The following UBAP1 variants were observed in gnomAD, a reference collection of about 807,000 sequenced individuals.
UBAP1 encodes ubiquitin associated protein 1, also known as ubiquitin-associated protein 1.
UBAP1 carries 5 observed loss-of-function variants against 39.0 expected under a neutral mutation model. The ratio of observed to expected loss-of-function variants is 0.13; its 90% CI spans 0.07 to 0.27. The LOEUF (loss-of-function observed/expected upper bound fraction) is 0.27, where lower values mean the gene tolerates loss of function less well. Ranked by LOEUF, UBAP1 falls within the 10% of genes least tolerant of loss-of-function variation. UBAP1 has a pLI of 1.00. For missense variants in UBAP1, 490 were observed against 608.1 expected (o/e 0.81, Z 2.04); for synonymous variants, 211 against 225.1 (o/e 0.94, Z 0.56).
At chr9:34,217,898 A>G (rs1001121419) in intron 1 of UBAP1, among the ~76,000 whole-genome samples, 3 of 141,642 alleles carry the variant, frequency 2.1e-5, no homozygotes, top group African/African-American at 7.9e-5. Flanking sequence ...CCCAGCCTCA[A>G]GTGATTCTCA....
intron 6 of UBAP1, 144 bp downstream of exon 6, chr9:34,250,903 G>A: frequency 1.4e-6 from 1 of 728,684 alleles, no homozygotes; most frequent in Non-Finnish European, 2.4e-6. Flanking sequence ...AATCTCCCAA[G>A]TATTCAGACA....
chr9:34,250,101 G>A, intron 5 of UBAP1, 140 bp downstream of exon 5: 5 of 867,982 alleles, frequency 5.8e-6, no homozygotes, highest in South Asian at 1.8e-5. Flanking sequence ...ATGTTTTGGG[G>A]AAAGCCAGCA....
chr9:34,251,051 T>G (rs1834485422), intron 6 of UBAP1, among the ~76,000 whole-genome samples: 1 of 152,232 alleles, frequency 6.6e-6, no homozygotes, highest in Admixed American at 6.5e-5. Flanking sequence ...CTGGACTTTT[T>G]GCCTAGACTG....
chr9:34,221,256 G>A lies in UBAP1; in HGVS notation c.34+308G>A, dbSNP rs1346018615. On this transcript the variant is annotated intron_variant, in intron 2 of 6. Transcript: ENST00000297661. ...TTGAAGGTATAGTTACTGGCTGGGC[G>A]CGGTGGTTCAAGCCTGTAATCCCAA... Among the ~76,000 whole-genome samples, 8 of 152,088 alleles carry A rather than the reference G, an allele frequency of 5.3e-5. 1 individual carries two copies. Among genetic ancestry groups the A allele is most frequent in the Non-Finnish European group, 1.0e-4 (7 of 67,996 alleles).
At position 34,224,322 on chromosome 9, in the gene UBAP1, G is replaced by A. The variant is rs1832931392; in HGVS notation, c.34+3374G>A. ...TCGATGAGTATGGTGTGCTGTCAAT[G>A]AGCATGAAGCAATTCTTCACCAGGG... On this transcript the variant is annotated intron_variant, in intron 2 of 6. Transcript: ENST00000297661. 4 of 447,462 alleles carry A rather than the reference G, an allele frequency of 8.9e-6. No homozygotes were observed. The East Asian group carries it at 1.5e-4, about 16-fold the overall frequency. 27.7% of individuals were successfully genotyped at this position (447,462 alleles called of 1,614,324 possible). A position where few individuals can be genotyped will look rare whatever the true frequency, so the allele number is the denominator to read the frequency against.
intron 1 of UBAP1, among the ~76,000 whole-genome samples, chr9:34,200,754 T>C (rs1831322606): frequency 6.6e-6 from 1 of 152,192 alleles, no homozygotes; most frequent in Admixed American, 6.6e-5. Flanking sequence ...TATCCTATCC[T>C]TTTACTACTC....
At chr9:34,248,360 T>C (rs1834285852) in intron 4 of UBAP1, among the ~76,000 whole-genome samples, 1 of 152,180 alleles carries the variant, frequency 6.6e-6, no homozygotes, top group African/African-American at 2.4e-5. Flanking sequence ...ACATTTGTAA[T>C]GTGCAGTATT....
chr9:34,179,020 T>C (rs1053341829), upstream of UBAP1: 70 of 1,256,596 alleles, frequency 5.6e-5, no homozygotes, highest in Middle Eastern at 2.1e-4. Flanking sequence ...CCCAAATGAG[T>C]GGGGCGGTGA....
chr9:34,215,463 G>A (rs1405189721), intron 1 of UBAP1, among the ~76,000 whole-genome samples: 1 of 151,104 alleles, frequency 6.6e-6, no homozygotes, highest in Non-Finnish European at 1.5e-5. Flanking sequence ...TGTTCTCACT[G>A]ATAGGTGAAA....
At position 34,182,246 on chromosome 9, in the gene UBAP1, G is replaced by A. The variant is rs1366833936; in HGVS notation, c.-8+3006G>A. Among the ~76,000 whole-genome samples the A allele has an allele frequency of 2.0e-5, 3 of 149,004 alleles. 1 individual carries two copies. Among genetic ancestry groups the A allele is most frequent in the Admixed American group, 6.8e-5 (1 of 14,788 alleles). Reference sequence around the variant, plus strand: ...GTTGCCCAGGCTGGAGTGCTGTGGCGTGATCTCAGCTCACTGCAACCTCCA... The same window carrying A: ...GTTGCCCAGGCTGGAGTGCTGTGGCATGATCTCAGCTCACTGCAACCTCCA... On this transcript the variant is annotated intron_variant, in intron 1 of 6. Transcript: ENST00000297661.
At chr9:34,181,740 T>A (rs1433168087) in intron 1 of UBAP1, among the ~76,000 whole-genome samples, 1 of 150,204 alleles carries the variant, frequency 6.7e-6, no homozygotes, top group African/African-American at 2.5e-5. Flanking sequence ...CCTTTTTTTT[T>A]TTTTTTTTAA....
intron 1 of UBAP1, among the ~76,000 whole-genome samples, chr9:34,190,657 A>T (rs1280055672): frequency 1.5e-5 from 2 of 134,610 alleles, no homozygotes; most frequent in African/African-American, 2.8e-5. Flanking sequence ...TTTTGGAGAC[A>T]GGGTCTCGCT....
chr9:34,182,664 T>TTTC lies in UBAP1; in HGVS notation c.-8+3427_-8+3429dup, dbSNP rs1554645017. 9.6e-5 allele frequency among the ~76,000 whole-genome samples: 6 copies of TTTC among 62,502 alleles called. No homozygotes were observed. In the South Asian group the frequency reaches 5.1e-3, roughly 53 times the overall value. The allele number at this position is 62,502 out of a possible 152,430, so 41.0% of individuals were successfully genotyped here. Reference sequence around the variant, plus strand: ...CTTTCTTTCTTTCTTTCTTTCTTTCTTTCTTTCTTTCTTTCTTTCTCTCTC... The same window carrying TTTC: ...CTTTCTTTCTTTCTTTCTTTCTTTCTTTCTTCTTTCTTTCTTTCTTTCTCTCTC... On this transcript the variant is annotated intron_variant, in intron 1 of 6. Transcript: ENST00000297661.
intron 2 of UBAP1, among the ~76,000 whole-genome samples, chr9:34,232,788 G>A (rs1420184974): frequency 6.6e-6 from 1 of 152,208 alleles, no homozygotes; most frequent in African/African-American, 2.4e-5. Flanking sequence ...AGAAAATAGT[G>A]TGAGGCTGAG....
At chr9:34,216,805 C>G (rs1832348377) in intron 1 of UBAP1, among the ~76,000 whole-genome samples, 1 of 151,886 alleles carries the variant, frequency 6.6e-6, no homozygotes, top group African/African-American at 2.4e-5. Context: ...TACCACCATG[C>G]TCGGCTAATG....
intron 1 of UBAP1, among the ~76,000 whole-genome samples, chr9:34,204,921 T>C (rs927209535): frequency 6.6e-6 from 1 of 152,220 alleles, no homozygotes; most frequent in Admixed American, 6.5e-5. Flanking sequence ...GACACTGCAC[T>C]GAACTCTCTG....
intron 4 of UBAP1, among the ~76,000 whole-genome samples, chr9:34,248,595 C>T (rs553381803): frequency 2.6e-5 from 4 of 152,276 alleles, no homozygotes; most frequent in Admixed American, 1.3e-4. Flanking sequence ...AATCCCTGTG[C>T]CTTATTGTGA....
chr9:34,196,316 ATTT>A (rs67508118), intron 1 of UBAP1, among the ~76,000 whole-genome samples: 11 of 135,530 alleles, frequency 8.1e-5, no homozygotes, highest in Non-Finnish European at 6.4e-5. Flanking sequence ...ATTAAAAACA[ATTT>A]TTTTTTTTTT....
At chr9:34,215,292 T>C (rs1379129153) in intron 1 of UBAP1, among the ~76,000 whole-genome samples, 1 of 151,782 alleles carries the variant, frequency 6.6e-6, no homozygotes, top group Non-Finnish European at 1.5e-5. Context: ...TGTGTGTGTA[T>C]ATATATGTAT....
Sources: allele counts gnomAD v4.1 joint callset (sites outside exome capture counted in the v4.1 genomes callset), GRCh38; gene constraint gnomAD v4.1.1; transcripts MANE v1.5; gene names NCBI Gene and HGNC (gene_info 2026-07-23, HGNC 2026-07-21).